IQCJ: variants seen among roughly 807,000 people sequenced by gnomAD.
IQCJ encodes the protein IQ motif containing J.
A neutral mutation model predicts 11.0 loss-of-function variants in IQCJ; 9 were observed. The ratio of observed to expected loss-of-function variants is 0.82; its 90% CI spans 0.49 to 1.43. The LOEUF is 1.43. Among genes scored for constraint, IQCJ ranks in the 40% most tolerant of loss-of-function variants. The pLI is 0.00. For synonymous variants in IQCJ, 55 were observed against 51.3 expected, an observed-to-expected ratio of 1.07 and a Z score of -0.31; for missense variants, 146 against 133.2, an observed-to-expected ratio of 1.10 and a Z score of -0.47.
At chr3:159,125,918 C>G (rs181055788) in intron 1 of IQCJ, among the ~76,000 whole-genome samples, 1 of 152,090 alleles carries the variant, frequency 6.6e-6, no homozygotes, top group Non-Finnish European at 1.5e-5. Flanking sequence ...AGGTTGTAAG[C>G]AATGGCAAAT....
intron 1 of IQCJ, among the ~76,000 whole-genome samples, chr3:159,094,890 C>T (rs1475740985): frequency 6.6e-6 from 1 of 151,706 alleles, no homozygotes; most frequent in East Asian, 1.9e-4. Context: ...TAATATGTAC[C>T]TGTATCAGTA....
At chr3:159,180,860 G>A (rs1253085446) in intron 1 of IQCJ, among the ~76,000 whole-genome samples, 1 of 151,842 alleles carries the variant, frequency 6.6e-6, no homozygotes, top group Admixed American at 6.6e-5. Context: ...CTAGATATAT[G>A]TTTTTAAAAT....
chr3:159,150,102 C>T (rs1432611185), intron 1 of IQCJ, among the ~76,000 whole-genome samples: 2 of 152,130 alleles, frequency 1.3e-5, no homozygotes, highest in South Asian at 2.1e-4. Context: ...CCCCTAATCC[C>T]AAGATGGTTG....
chr3:159,139,634 C>A (rs1322989258), intron 1 of IQCJ, among the ~76,000 whole-genome samples: 1 of 152,180 alleles, frequency 6.6e-6, no homozygotes, highest in Non-Finnish European at 1.5e-5. Flanking sequence ...TGAAGACCAG[C>A]AGGAGAAATG....
chr3:159,084,382 A>C (rs1351655747), intron 1 of IQCJ, among the ~76,000 whole-genome samples: 1 of 152,116 alleles, frequency 6.6e-6, no homozygotes, highest in African/African-American at 2.4e-5. Flanking sequence ...TGGAAGACTA[A>C]TTTGAAGATA....
At chr3:159,076,267 C>G (rs144607384) in intron 1 of IQCJ, among the ~76,000 whole-genome samples, 1 of 152,182 alleles carries the variant, frequency 6.6e-6, no homozygotes, top group Non-Finnish European at 1.5e-5. Context: ...ATTCTGCCTT[C>G]AATTTTAGTC....
chr3:159,101,681 A>T (rs902001531), intron 1 of IQCJ, among the ~76,000 whole-genome samples: 6 of 152,164 alleles, frequency 3.9e-5, no homozygotes, highest in Non-Finnish European at 7.3e-5. Flanking sequence ...ACATGGACTC[A>T]AGCCCATCTA....
At position 159,073,036 on chromosome 3, in the gene IQCJ, G is replaced by A. The variant is rs192604849; in HGVS notation, c.9+3595G>A. Among the ~76,000 whole-genome samples, 3 of 152,134 alleles carry A rather than the reference G, an allele frequency of 2.0e-5. No individual in the cohort carries two copies. In the East Asian group the frequency reaches 5.8e-4, roughly 29 times the overall value. ...AGAGTAAAGACAAATGGGGAAGGAA[G>A]CAAAATTGGGCAGGGAGAGCCTTCT... On this transcript the variant is annotated intron_variant, in intron 1 of 3. Transcript: ENST00000397832.
chr3:159,081,352 T>A (rs988806451), intron 1 of IQCJ, among the ~76,000 whole-genome samples: 1 of 152,076 alleles, frequency 6.6e-6, no homozygotes, highest in Non-Finnish European at 1.5e-5. Flanking sequence ...AACATTGGCA[T>A]TGGGAATGAC....
chr3:159,091,712 ACACG>A (rs1458733147), intron 1 of IQCJ, among the ~76,000 whole-genome samples: 2 of 143,136 alleles, frequency 1.4e-5, no homozygotes, highest in African/African-American at 2.7e-5. Flanking sequence ...ACACACACAC[ACACG>A]GCAGCTTGAA....
At chr3:159,125,325 A>C (rs181489671) in intron 1 of IQCJ, among the ~76,000 whole-genome samples, 3 of 152,352 alleles carry the variant, frequency 2.0e-5, no homozygotes, top group Non-Finnish European at 4.4e-5. Flanking sequence ...CTGAGGAACT[A>C]TCATGGCCAA....
At position 159,252,741 on chromosome 3, in the gene IQCJ, T is replaced by C. The variant is rs1334597997; in HGVS notation, c.89T>C (p.Met30Thr). The C allele has an allele frequency of 1.2e-6, 2 of 1,611,752 alleles. No individual in the cohort carries two copies. Among genetic ancestry groups the C allele is most frequent in the African/African-American group, 2.7e-5 (2 of 74,884 alleles). ...TCTGTTTCTAGTCACCAGCTGGCCA[T>C]GGATGCAGAGAATAATATTGAAAAG... ...KYSFENHQLA[M>T]DAENNIEKYP... Residue 30 changes from methionine to threonine, a missense_variant, in exon 3 of 4, where the codon ATG becomes ACG. Met to Thr is a moderately conservative substitution (Grantham distance 81). Transcript: ENST00000397832.
intron 1 of IQCJ, among the ~76,000 whole-genome samples, chr3:159,117,066 G>T (rs919835848): frequency 3.3e-5 from 5 of 152,128 alleles, no homozygotes; most frequent in African/African-American, 9.7e-5. Flanking sequence ...CTACTCTTCC[G>T]TAAAACATTT....
chr3:159,253,323 A>G (rs1375716854), intron 3 of IQCJ, among the ~76,000 whole-genome samples: 1 of 152,094 alleles, frequency 6.6e-6, no homozygotes, highest in Non-Finnish European at 1.5e-5. Flanking sequence ...CTCCTCCCCC[A>G]TTATAAATGA....
At chr3:159,238,384 A>T (rs1037780557) in intron 1 of IQCJ, among the ~76,000 whole-genome samples, 3 of 152,184 alleles carry the variant, frequency 2.0e-5, no homozygotes, top group African/African-American at 7.2e-5. Context: ...AAGAGTAAAG[A>T]CTGTATCTGA....
intron 1 of IQCJ, among the ~76,000 whole-genome samples, chr3:159,084,892 A>G (rs1233140156): frequency 6.9e-6 from 1 of 145,570 alleles, no homozygotes; most frequent in African/African-American, 2.5e-5. Context: ...GTTACTTGTT[A>G]TCAAGGGGAA....
intron 3 of IQCJ, among the ~76,000 whole-genome samples, chr3:159,257,976 T>C (rs1727992175): frequency 6.6e-6 from 1 of 152,186 alleles, no homozygotes. Flanking sequence ...TGGTTGTAAG[T>C]ATCAGAAACT....
At chr3:159,089,109 G>A (rs766123234) in intron 1 of IQCJ, among the ~76,000 whole-genome samples, 1 of 152,030 alleles carries the variant, frequency 6.6e-6, no homozygotes, top group Non-Finnish European at 1.5e-5. Flanking sequence ...TTTTAGGGCA[G>A]GCCTGGTGGT....
At chr3:159,192,910 A>T (rs745400724) in intron 1 of IQCJ, among the ~76,000 whole-genome samples, 8 of 152,156 alleles carry the variant, frequency 5.3e-5, no homozygotes, top group Non-Finnish European at 1.0e-4. Context: ...TAGAAGAAGA[A>T]CCTCAGCCCT....
Sources: allele counts gnomAD v4.1 joint callset (sites outside exome capture counted in the v4.1 genomes callset), GRCh38; gene constraint gnomAD v4.1.1; transcripts MANE v1.5; gene names NCBI Gene and HGNC (gene_info 2026-07-23, HGNC 2026-07-21).